Variants in CSMD1 observed in about 807,000 individuals in gnomAD.
CSMD1 encodes the protein CUB and sushi domain-containing protein 1.
Under a neutral mutation model 417.5 loss-of-function variants are expected in CSMD1, and 213 were observed. The observed-to-expected ratio is 0.51, with a 90% CI of 0.46 to 0.57. CSMD1 has a LOEUF of 0.57. CSMD1 is among the 20% of genes least tolerant of loss of function. CSMD1 has a pLI of 0.00. For synonymous variants in CSMD1, 2,862 were observed against 1,736.8 expected (o/e 1.65, Z -16.11); for missense variants, 6,923 against 4,529.7 (o/e 1.53, Z -15.17).
At chr8:3,064,640 T>G (rs17389666) in intron 49 of CSMD1, among the ~76,000 whole-genome samples, 1,605 of 152,292 alleles carry the variant, frequency 0.011, 13 homozygotes, top group Middle Eastern at 0.024. Flanking sequence ...GGAAGGTTGA[T>G]AAGAATGTTG....
At chr8:4,819,180 C>T (rs1229435606) in intron 1 of CSMD1, among the ~76,000 whole-genome samples, 1 of 152,136 alleles carries the variant, frequency 6.6e-6, no homozygotes, top group African/African-American at 2.4e-5. Flanking sequence ...TCAAGGAACA[C>T]ACATTCAATT....
chr8:3,241,464 C>G (rs1189348141), intron 26 of CSMD1, among the ~76,000 whole-genome samples: 2 of 152,130 alleles, frequency 1.3e-5, no homozygotes, highest in South Asian at 2.1e-4. Flanking sequence ...CCGAGGTGAT[C>G]TGGCAGTGTC....
At chr8:3,732,257 G>A (rs376618951) in intron 6 of CSMD1, among the ~76,000 whole-genome samples, 2 of 152,154 alleles carry the variant, frequency 1.3e-5, no homozygotes, top group South Asian at 2.1e-4. Flanking sequence ...GCAATTACTC[G>A]ATACAAAGCT....
chr8:3,796,251 T>C (rs1328133383), intron 5 of CSMD1, among the ~76,000 whole-genome samples: 1 of 75,454 alleles, frequency 1.3e-5, no homozygotes, highest in Non-Finnish European at 2.7e-5. Flanking sequence ...GATATATATC[T>C]ATCATGTATA....
chr8:3,269,766 G>A (rs1350484281), intron 26 of CSMD1, among the ~76,000 whole-genome samples: 1 of 152,180 alleles, frequency 6.6e-6, no homozygotes, highest in Admixed American at 6.5e-5. Context: ...AATGAAAAGT[G>A]TCAGGCTGAT....
intron 14 of CSMD1, among the ~76,000 whole-genome samples, chr8:3,407,120 AGGAT>A (rs1467976870): frequency 1.3e-5 from 2 of 151,874 alleles, no homozygotes; most frequent in Non-Finnish European, 1.5e-5. Context: ...GATGAATGGA[AGGAT>A]GGATGGATGA....
chr8:4,810,349 A>G (rs1798825437), intron 1 of CSMD1, among the ~76,000 whole-genome samples: 2 of 152,160 alleles, frequency 1.3e-5, no homozygotes, highest in Non-Finnish European at 2.9e-5. Flanking sequence ...CACAGCTTGC[A>G]TTTTTGTTTT....
intron 3 of CSMD1, among the ~76,000 whole-genome samples, chr8:4,286,727 G>C (rs868048775): frequency 5.3e-5 from 8 of 152,170 alleles, no homozygotes; most frequent in Non-Finnish European, 1.2e-4. Context: ...TCACACGGTA[G>C]ACTCCCCAGC....
chr8:4,416,797 G>C (rs1341660376), intron 3 of CSMD1, among the ~76,000 whole-genome samples: 2 of 151,950 alleles, frequency 1.3e-5, no homozygotes, highest in East Asian at 1.9e-4. Flanking sequence ...TAAAACATAG[G>C]TCAGCTTGAT....
chr8:2,982,083 C>G (rs117420399), intron 54 of CSMD1, among the ~76,000 whole-genome samples: 1 of 151,992 alleles, frequency 6.6e-6, no homozygotes, highest in Non-Finnish European at 1.5e-5. Context: ...AGGCCAGGTG[C>G]GGTGGCTCAC....
At chr8:3,558,808 T>A (rs1185544181) in intron 10 of CSMD1, among the ~76,000 whole-genome samples, 2 of 150,982 alleles carry the variant, frequency 1.3e-5, no homozygotes, top group Non-Finnish European at 3.0e-5. Context: ...GGTGCCTCAA[T>A]AGCACCTCGT....
intron 3 of CSMD1, among the ~76,000 whole-genome samples, chr8:4,207,962 A>G (rs1351803201): frequency 2.0e-5 from 3 of 152,152 alleles, no homozygotes; most frequent in Admixed American, 2.0e-4. Context: ...TCTTTAGGCA[A>G]TATTCATTAT....
chr8:3,281,579 T>A (rs1802742018), intron 26 of CSMD1, among the ~76,000 whole-genome samples: 1 of 152,132 alleles, frequency 6.6e-6, no homozygotes, highest in African/African-American at 2.4e-5. Context: ...GAAGACAACA[T>A]GAAAGGCCAC....
chr8:4,773,685 T>C (rs1796708094), intron 1 of CSMD1, among the ~76,000 whole-genome samples: 1 of 152,204 alleles, frequency 6.6e-6, no homozygotes, highest in Non-Finnish European at 1.5e-5. Flanking sequence ...CGTCAGGCTT[T>C]GCACGCCACG....
chr8:3,601,952 G>A (rs1356437354), intron 8 of CSMD1, among the ~76,000 whole-genome samples: 1 of 152,288 alleles, frequency 6.6e-6, no homozygotes, highest in African/African-American at 2.4e-5. Flanking sequence ...ACGTTCCCAG[G>A]AACAGGAAGT....
chr8:3,692,488 C>T (rs1408613352), intron 7 of CSMD1, among the ~76,000 whole-genome samples: 1 of 150,232 alleles, frequency 6.7e-6, no homozygotes, highest in Non-Finnish European at 1.5e-5. Flanking sequence ...GTCACCCAGG[C>T]TGGAGTGCAC....
At chr8:4,294,945 G>A (rs896841798) in intron 3 of CSMD1, among the ~76,000 whole-genome samples, 1 of 150,986 alleles carries the variant, frequency 6.6e-6, no homozygotes, top group Admixed American at 6.6e-5. Flanking sequence ...TCTTCTTTCA[G>A]GTAAAGTGCC....
chr8:3,727,565 G>GA (rs757200870), intron 6 of CSMD1, among the ~76,000 whole-genome samples: 41 of 152,232 alleles, frequency 2.7e-4, no homozygotes, highest in Non-Finnish European at 4.4e-4. Flanking sequence ...GAAGTTCCTC[G>GA]AAAAAATACT....
intron 1 of CSMD1, among the ~76,000 whole-genome samples, chr8:4,849,856 T>A (rs1431749251): frequency 2.0e-5 from 3 of 152,206 alleles, no homozygotes; most frequent in Non-Finnish European, 2.9e-5. Flanking sequence ...ATGTAACATG[T>A]AACTGTATAT....
Sources: allele counts gnomAD v4.1 joint callset (sites outside exome capture counted in the v4.1 genomes callset), GRCh38; gene constraint gnomAD v4.1.1; transcripts MANE v1.5; gene names NCBI Gene and HGNC (gene_info 2026-07-23, HGNC 2026-07-21).